The following STXBP6 variants were observed in gnomAD, a reference collection of about 807,000 sequenced individuals.
STXBP6 encodes the protein syntaxin binding protein 6.
Under a neutral mutation model 26.9 loss-of-function variants are expected in STXBP6, and 21 were observed. That is an observed-to-expected ratio of 0.78 (90% CI 0.55 to 1.12). STXBP6 has a LOEUF of 1.12. STXBP6 is among the 50% of genes most tolerant of loss of function. The pLI is 0.00. For missense variants in STXBP6, 232 were observed against 257.9 expected (o/e 0.90, Z 0.69); for synonymous variants, 97 against 92.6 (o/e 1.05, Z -0.27).
intron 4 of STXBP6, among the ~76,000 whole-genome samples, chr14:24,851,997 G>GATCA (rs2069174327): frequency 6.6e-6 from 1 of 152,112 alleles, no homozygotes; most frequent in African/African-American, 2.4e-5. Flanking sequence ...GAGTCATGCA[G>GATCA]CATGTTTTGC....
chr14:24,966,269 G>T (rs1471693790), intron 2 of STXBP6, among the ~76,000 whole-genome samples: 1 of 152,088 alleles, frequency 6.6e-6, no homozygotes, highest in African/African-American at 2.4e-5. Flanking sequence ...TAGAAAAGCT[G>T]AAGTCACTGA....
rs74040724 is a variant in STXBP6, at chr14:24,919,511, A to G, written c.154+55154T>C. 9.6e-3 allele frequency among the ~76,000 whole-genome samples: 1,460 copies of G among 151,778 alleles called. 21 individuals are homozygous for G. The highest frequency in any genetic ancestry group is 0.032 in the African/African-American group (1,335 of 41,250). On this transcript the variant is annotated intron_variant, in intron 2 of 5. Coordinates refer to ENST00000323944, the MANE Select transcript of STXBP6 (RefSeq NM_001394410.1). ...CTTTAGAGAAGAACTATTTCTCTCC[A>G]AAAGATTCAATACGCACTTTTTTTT...
At chr14:24,840,779 A>G (rs1051671270) in intron 4 of STXBP6, among the ~76,000 whole-genome samples, 2 of 152,180 alleles carry the variant, frequency 1.3e-5, no homozygotes, top group Non-Finnish European at 2.9e-5. Flanking sequence ...TTTTCAAGAA[A>G]AGAGGTGACT....
At chr14:24,907,856 A>G (rs1006710465) in intron 2 of STXBP6, among the ~76,000 whole-genome samples, 2 of 151,466 alleles carry the variant, frequency 1.3e-5, no homozygotes, top group Non-Finnish European at 2.9e-5. Flanking sequence ...CCTCTCTTAG[A>G]TTGCTAAATG....
intron 2 of STXBP6, among the ~76,000 whole-genome samples, chr14:24,911,848 C>T (rs368813332): frequency 3.9e-5 from 6 of 152,186 alleles, no homozygotes; most frequent in African/African-American, 1.4e-4. Flanking sequence ...CATTTGTGTA[C>T]ATGTTTACAA....
At chr14:25,038,269 ATACCTGATAGGAGT>A (rs1447234503) in intron 1 of STXBP6, among the ~76,000 whole-genome samples, 2 of 152,228 alleles carry the variant, frequency 1.3e-5, no homozygotes, top group Non-Finnish European at 2.9e-5. Context: ...ACTCTTATTC[ATACCTGATAGGAGT>A]GTGAAGAGCC....
intron 2 of STXBP6, among the ~76,000 whole-genome samples, chr14:24,941,720 C>T (rs552449897): frequency 6.6e-6 from 1 of 152,364 alleles, no homozygotes; most frequent in East Asian, 1.9e-4. Context: ...GCAGCAGAAC[C>T]TACTCTTAGC....
At chr14:24,976,852 C>CTTTTTTTT (rs71121808) in intron 1 of STXBP6, among the ~76,000 whole-genome samples, 530 of 45,286 alleles carry the variant, frequency 0.012, 91 homozygotes, top group East Asian at 0.033. Flanking sequence ...ACTGGGCGCT[C>CTTTTTTTT]TTTTTTTTTT....
At chr14:24,818,592 G>C (rs1419003426) in intron 5 of STXBP6, among the ~76,000 whole-genome samples, 5 of 152,162 alleles carry the variant, frequency 3.3e-5, no homozygotes, top group Admixed American at 3.3e-4. Flanking sequence ...CTGGTGAAGA[G>C]ATAAGGACAC....
intron 1 of STXBP6, among the ~76,000 whole-genome samples, chr14:25,045,606 T>C (rs553920862): frequency 1.7e-3 from 113 of 67,582 alleles, no homozygotes; most frequent in African/African-American, 6.2e-3. Flanking sequence ...TTTTCTTTTC[T>C]TTTTTTTTTT....
At chr14:25,043,452 T>C (rs2039348338) in intron 1 of STXBP6, among the ~76,000 whole-genome samples, 1 of 152,156 alleles carries the variant, frequency 6.6e-6, no homozygotes, top group Admixed American at 6.5e-5. Flanking sequence ...TTTAAAAAAT[T>C]TAATAATTCA....
At chr14:24,942,366 T>A (rs2072834250) in intron 2 of STXBP6, among the ~76,000 whole-genome samples, 2 of 152,120 alleles carry the variant, frequency 1.3e-5, no homozygotes. Flanking sequence ...AACAACTTCA[T>A]CCAGAGATGG....
At chr14:24,851,043 T>C (rs889610822) in intron 4 of STXBP6, among the ~76,000 whole-genome samples, 5 of 152,128 alleles carry the variant, frequency 3.3e-5, no homozygotes, top group African/African-American at 1.2e-4. Context: ...GTATTAGGCA[T>C]ATGAATACTA....
chr14:24,924,289 C>A (rs935294695), intron 2 of STXBP6, among the ~76,000 whole-genome samples: 40 of 152,060 alleles, frequency 2.6e-4, no homozygotes, highest in African/African-American at 9.2e-4. Context: ...GCTGCATTAG[C>A]AGTTTGTATT....
chr14:24,988,939 C>T (rs1228525331), intron 1 of STXBP6, among the ~76,000 whole-genome samples: 1 of 152,180 alleles, frequency 6.6e-6, no homozygotes, highest in African/African-American at 2.4e-5. Flanking sequence ...AAATGTTCAT[C>T]CCCACCTACG....
intron 2 of STXBP6, among the ~76,000 whole-genome samples, chr14:24,870,297 A>T (rs549392719): frequency 3.2e-4 from 48 of 152,302 alleles, no homozygotes; most frequent in Non-Finnish European, 6.0e-4. Context: ...AAAACACTGC[A>T]AATTATAACT....
intron 2 of STXBP6, among the ~76,000 whole-genome samples, chr14:24,875,827 G>A (rs534717243): frequency 9.9e-5 from 15 of 152,238 alleles, no homozygotes; most frequent in Admixed American, 7.8e-4. Flanking sequence ...GTGGCGGGAG[G>A]GGAAATGAGT....
At chr14:24,883,919 CA>C (rs1378610470) in intron 2 of STXBP6, among the ~76,000 whole-genome samples, 4 of 152,126 alleles carry the variant, frequency 2.6e-5, no homozygotes, top group African/African-American at 9.6e-5. Context: ...AATTGGCAAA[CA>C]AAAGAAAAAG....
chr14:24,812,820 A>C (rs1354777268), intron 5 of STXBP6, 88 bp from the exon 6 acceptor site: 1 of 1,287,344 alleles, frequency 7.8e-7, no homozygotes, highest in Non-Finnish European at 1.1e-6. Flanking sequence ...CTCCACCTCC[A>C]CAATGAGAAG....
Sources: gnomAD v4.1 joint callset for allele counts (sites outside exome capture counted in the v4.1 genomes callset) on GRCh38, gnomAD v4.1.1 for gene constraint, MANE v1.5 for transcripts, NCBI Gene and HGNC (gene_info 2026-07-23, HGNC 2026-07-21) for gene names.